The following ARHGEF10 variants were observed in gnomAD, a reference collection of about 807,000 sequenced individuals.
ARHGEF10 encodes Rho guanine nucleotide exchange factor (GEF) 10.
Under a neutral mutation model 147.4 loss-of-function variants are expected in ARHGEF10, and 140 were observed. That is an observed-to-expected ratio of 0.95 (90% CI 0.83 to 1.09). ARHGEF10 has a LOEUF of 1.09. Among genes scored for constraint, ARHGEF10 ranks in the 50% least tolerant of loss-of-function variants. The probability of loss-of-function intolerance (pLI) is 0.00; values close to 1 mark genes in which losing one functional copy is unlikely to be tolerated. For synonymous variants in ARHGEF10, 902 were observed against 695.8 expected (o/e 1.30, Z -4.67); for missense variants, 2,222 against 1,752.7 (o/e 1.27, Z -4.78).
intron 9 of ARHGEF10, among the ~76,000 whole-genome samples, chr8:1,881,991 C>T (rs1020085279): frequency 4.6e-5 from 7 of 152,182 alleles, no homozygotes; most frequent in Admixed American, 1.3e-4. Context: ...TCTAGGCAGC[C>T]GTGAGTGTCC....
intron 7 of ARHGEF10, among the ~76,000 whole-genome samples, chr8:1,872,975 G>A (rs1807256317): frequency 6.6e-6 from 1 of 152,154 alleles, no homozygotes; most frequent in African/African-American, 2.4e-5. Flanking sequence ...TGCATTTTGG[G>A]GTAATTTATC....
Position 1,896,190 on chromosome 8 carries a change from C to G in ARHGEF10, c.1441-143C>G, listed in dbSNP as rs145890331. 1.2e-4 allele frequency: 98 copies of G among 801,884 alleles called. No individual in the cohort carries two copies. The African/African-American group carries it at 1.4e-3, about 12-fold the overall frequency. 49.7% of individuals were successfully genotyped at this position (801,884 alleles called of 1,614,324 possible). On this transcript the variant is annotated intron_variant, in intron 13 of 28. Transcript: ENST00000349830. The stretch of plus-strand genomic sequence containing the variant: ...GCTTGCTTAAAGAAAAAAAATCACA[C>G]AGTCATAATAAAGTTTATCTTATGA...
At chr8:1,848,090 T>C (rs906413859) in intron 2 of ARHGEF10, among the ~76,000 whole-genome samples, 11 of 152,194 alleles carry the variant, frequency 7.2e-5, no homozygotes, top group Non-Finnish European at 1.0e-4. Context: ...AGCCACCAGG[T>C]CTTGGTAGCT....
At position 1,866,565 on chromosome 8, in the gene ARHGEF10, C is replaced by G; in HGVS notation, c.585C>G (p.Arg195=). 1 of 1,608,990 alleles carries G rather than the reference C, an allele frequency of 6.2e-7. No homozygotes were observed. ...QVGREDSALA[R]WAADPANTAW... is the part of the protein sequence containing the mutation. ...GTCGAGAGGACAGCGCACTTGCCCG[C>G]TGGGCCGCAGACCCGGCCAACACAG... The change falls in exon 6 of 29, where the codon CGC becomes CGG. Residue 195 remains arginine (R), a synonymous_variant. Coordinates refer to ENST00000349830, the MANE Select transcript of ARHGEF10 (RefSeq NM_014629.4).
chr8:1,876,374 C>T, intron 7 of ARHGEF10, 197 bp from the exon 8 acceptor site: 1 of 630,932 alleles, frequency 1.6e-6, no homozygotes, highest in South Asian at 1.9e-5. Flanking sequence ...CCCCAGCCTC[C>T]CCGGCCCTGC....
chr8:1,840,598 G>T (rs957279139), intron 1 of ARHGEF10, among the ~76,000 whole-genome samples: 7 of 151,246 alleles, frequency 4.6e-5, no homozygotes, highest in African/African-American at 1.5e-4. Context: ...GTCCGATATG[G>T]GGACTGTCTG....
intron 14 of ARHGEF10, among the ~76,000 whole-genome samples, chr8:1,897,774 C>T (rs35184250): frequency 0.019 from 2,871 of 152,290 alleles, 46 homozygotes; most frequent in Middle Eastern, 0.051. Flanking sequence ...GGATGCCAGC[C>T]GTGGCCGTGA....
chr8:1,831,634 G>C (rs1274489314), intron 1 of ARHGEF10, among the ~76,000 whole-genome samples: 1 of 152,164 alleles, frequency 6.6e-6, no homozygotes, highest in African/African-American at 2.4e-5. Context: ...TGCACAGTGA[G>C]TGGTGAGCGA....
At chr8:1,850,990 A>C (rs76884545) in intron 2 of ARHGEF10, among the ~76,000 whole-genome samples, 2,213 of 152,180 alleles carry the variant, frequency 0.015, 87 homozygotes, top group East Asian at 0.096. Context: ...ACATTCTAGA[A>C]AACAAAATTA....
At chr8:1,934,625 A>G (rs1813423826) in intron 26 of ARHGEF10, among the ~76,000 whole-genome samples, 1 of 152,210 alleles carries the variant, frequency 6.6e-6, no homozygotes, top group Non-Finnish European at 1.5e-5. Context: ...TCAGGAGACA[A>G]GTGGGCAGCC....
chr8:1,918,181 T>C (rs1811902416), intron 18 of ARHGEF10, among the ~76,000 whole-genome samples: 1 of 152,184 alleles, frequency 6.6e-6, no homozygotes, highest in African/African-American at 2.4e-5. Flanking sequence ...CTGGCCGCAC[T>C]GTGTGGTTTC....
intron 27 of ARHGEF10, among the ~76,000 whole-genome samples, chr8:1,947,530 G>A (rs891617933): frequency 2.0e-5 from 3 of 152,046 alleles, no homozygotes; most frequent in East Asian, 1.9e-4. Context: ...CCTTGCACAC[G>A]ATTTAATAAA....
intron 1 of ARHGEF10, among the ~76,000 whole-genome samples, chr8:1,830,187 G>C (rs184930503): frequency 0.013 from 1,945 of 152,190 alleles, 46 homozygotes; most frequent in African/African-American, 0.045. Context: ...GGCTGTGTGC[G>C]CGCACCTGTA....
chr8:1,854,536 G>A (rs1805401812), intron 2 of ARHGEF10, among the ~76,000 whole-genome samples: 2 of 150,644 alleles, frequency 1.3e-5, no homozygotes, highest in Non-Finnish European at 3.0e-5. Flanking sequence ...GAGGATGGAG[G>A]GCAGCTCCGC....
chr8:1,826,125 A>G (rs762390876), intron 1 of ARHGEF10: 5 of 1,594,580 alleles, frequency 3.1e-6, no homozygotes, highest in East Asian at 4.5e-5. Context: ...GACCTCCAGG[A>G]TTTCTCAGCA....
chr8:1,868,703 G>C, intron 6 of ARHGEF10, among the ~76,000 whole-genome samples: 1 of 152,214 alleles, frequency 6.6e-6, no homozygotes, highest in South Asian at 2.1e-4. Flanking sequence ...TTGGTTTATT[G>C]GGATGGTTTT....
intron 4 of ARHGEF10, among the ~76,000 whole-genome samples, chr8:1,864,106 C>G (rs531622430): frequency 2.0e-5 from 3 of 152,190 alleles, no homozygotes; most frequent in Admixed American, 6.5e-5. Context: ...CCGTTTCTTT[C>G]TAACTCTAGC....
intron 27 of ARHGEF10, chr8:1,945,932 C>A: frequency 8.5e-6 from 1 of 118,196 alleles, no homozygotes; most frequent in Non-Finnish European, 1.6e-5. Context: ...AGTGCCATCT[C>A]TGTAGGTCAG....
intron 27 of ARHGEF10, among the ~76,000 whole-genome samples, chr8:1,950,739 T>G (rs1272703790): frequency 4.8e-5 from 7 of 146,824 alleles, no homozygotes; most frequent in African/African-American, 5.0e-5. Context: ...GGTTTTTTTT[T>G]TTTTTTTTTT....
Sources: gnomAD v4.1 joint callset for allele counts (sites outside exome capture counted in the v4.1 genomes callset) on GRCh38, gnomAD v4.1.1 for gene constraint, MANE v1.5 for transcripts, NCBI Gene and HGNC (gene_info 2026-07-23, HGNC 2026-07-21) for gene names.